FBN3: variants seen among roughly 807,000 people sequenced by gnomAD.
The protein encoded by FBN3 is fibrillin 3.
Under a neutral mutation model 330.1 loss-of-function variants are expected in FBN3, and 234 were observed. The observed-to-expected ratio is 0.71, with a 90% confidence interval of 0.64 to 0.79. The LOEUF is 0.79. FBN3 is among the 30% of genes least tolerant of loss of function. The probability of loss-of-function intolerance (pLI) is 0.00; values close to 1 mark genes in which losing one functional copy is unlikely to be tolerated. For missense variants in FBN3, 3,606 were observed against 3,886.9 expected (o/e 0.93, Z 1.92); for synonymous variants, 1,458 against 1,517.3 (o/e 0.96, Z 0.91).
intron 61 of FBN3, among the ~76,000 whole-genome samples, 171 bp from the exon 62 acceptor site, chr19:8,073,468 C>T (rs898531823): frequency 2.6e-5 from 4 of 152,210 alleles, no homozygotes; most frequent in African/African-American, 9.6e-5. Context: ...CATAGCCCCG[C>T]TGCCCCAAAC....
intron 58 of FBN3, 25 bp from the exon 59 acceptor site, chr19:8,081,144 CT>C: frequency 6.3e-7 from 1 of 1,599,244 alleles, no homozygotes; most frequent in Non-Finnish European, 8.6e-7. Flanking sequence ...GTCCAGCAGG[CT>C]CAGGGCAGGG....
At chr19:8,087,715 T>G (rs2081997485) in intron 53 of FBN3, 110 bp downstream of exon 53, 9 of 926,686 alleles carry the variant, frequency 9.7e-6, no homozygotes, top group Non-Finnish European at 1.5e-5. Flanking sequence ...CAAGCGATTC[T>G]CCTGTCTCTC....
At position 8,109,628 on chromosome 19, in the gene FBN3, C is replaced by CA. The variant is rs751975015; in HGVS notation, c.4456+2dup. ...CCTGATCTGGAGTTGAGCATGGACT[C>CA]ACCCACGCAGCCCACTCCGCTGGGG... On this transcript the variant is annotated splice_region_variant and intron_variant, in intron 35 of 63. Transcript: ENST00000600128. The surrounding 1 kb of genome is among the most constrained non-coding windows in gnomAD (Gnocchi z 5.2). The CA allele has an allele frequency of 1.3e-6, 2 of 1,593,222 alleles. No homozygotes were observed. Among genetic ancestry groups the CA allele is most frequent in the Non-Finnish European group, 1.7e-6 (2 of 1,169,350 alleles).
Position 8,089,532 on chromosome 19 carries a change from G to A in FBN3, c.6376+13C>T, listed in dbSNP as rs1220642489. On this transcript the variant is annotated intron_variant, in intron 51 of 63. Transcript: ENST00000600128. Reference sequence around the variant, plus strand: ...GGGCCTGGGACAGAGCTGGGGAAGGGCTGGCCACTCACCCACACAGTTGAT... The same window carrying A: ...GGGCCTGGGACAGAGCTGGGGAAGGACTGGCCACTCACCCACACAGTTGAT... 1.9e-6 allele frequency: 3 copies of A among 1,613,662 alleles called. No individual in the cohort carries two copies. The highest frequency in any genetic ancestry group is 1.3e-5 in the African/African-American group (1 of 74,900).
intron 45 of FBN3, 101 bp downstream of exon 45, chr19:8,095,863 C>G: frequency 1.4e-6 from 1 of 708,148 alleles, no homozygotes. Context: ...TCTAAATAAT[C>G]GGGGACTTTC....
chr19:8,108,220 C>A lies in FBN3; in HGVS notation c.4637G>T (p.Cys1546Phe). 2 of 1,613,018 alleles carry A rather than the reference C, an allele frequency of 1.2e-6. No homozygotes were observed. Among genetic ancestry groups the A allele is most frequent in the Non-Finnish European group, 1.7e-6 (2 of 1,179,564 alleles). Residue 1546 changes from cysteine (C) to phenylalanine (F), a missense_variant, in exon 37 of 64, where the codon TGC becomes TTC. Cys to Phe is a radical substitution (Grantham distance 205). Coordinates refer to ENST00000600128, the MANE Select transcript of FBN3 (RefSeq NM_032447.5). Reference protein sequence around the residue: ...MANTTEYRTLCPGGEGFQPNR... With the variant: ...MANTTEYRTLFPGGEGFQPNR... Reference sequence around the variant, plus strand: ...AGGCTGGAAGCCCTCACCACCCGGGCACAGGGTTCTGTACTCAGCTGTAAA... The same window carrying A: ...AGGCTGGAAGCCCTCACCACCCGGGAACAGGGTTCTGTACTCAGCTGTAAA...
rs753402740 is a variant in FBN3 at position 8,133,061 on chromosome 19, C to T, written c.1637G>A (p.Cys546Tyr). The change falls in exon 14 of 64, where the codon TGT (cysteine) becomes TAT (tyrosine). Residue 546 changes from cysteine (C) to tyrosine (Y), a missense_variant. By Grantham distance (194) the Cys-to-Tyr change is radical. Transcript: ENST00000600128. ...ATSTMCVNGV[C>Y]LNEDGSFSCL... ...GGAGAAGCTGCCATCCTCGTTGAGACACACGCCGTTGACGCACATGGTGCT... is the reference window on the plus strand; with the variant it reads ...GGAGAAGCTGCCATCCTCGTTGAGATACACGCCGTTGACGCACATGGTGCT... 3 of 1,587,166 alleles carry T rather than the reference C, an allele frequency of 1.9e-6. No homozygotes were observed. The South Asian group carries it at 3.4e-5, about 18-fold the overall frequency.
At chr19:8,111,884 C>G (rs952150673) in intron 31 of FBN3, 93 bp downstream of exon 31, 14 of 1,404,574 alleles carry the variant, frequency 1.0e-5, no homozygotes, top group Non-Finnish European at 1.4e-5. Context: ...CAGACACTCC[C>G]GGATCCCACC....
intron 48 of FBN3, among the ~76,000 whole-genome samples, chr19:8,090,614 G>A (rs2082076174): frequency 6.6e-6 from 1 of 151,926 alleles, no homozygotes; most frequent in East Asian, 1.9e-4. Context: ...CTCCCAAGTA[G>A]CTGGGATTAC....
At position 8,096,701 on chromosome 19, in the gene FBN3, T is replaced by A. The variant is rs2082216814; in HGVS notation, c.5414-132A>T. The A allele has an allele frequency of 7.3e-7, 1 of 1,372,682 alleles. No homozygotes were observed. The highest frequency in any genetic ancestry group is 2.1e-5 in the Admixed American group (1 of 48,134). The allele number at this position is 1,372,682 out of a possible 1,614,324, so 85.0% of individuals were successfully genotyped here. A position where few individuals can be genotyped will look rare whatever the true frequency, so the allele number is the denominator to read the frequency against. The stretch of plus-strand genomic sequence containing the variant: ...CAAACTTCCACCAGGGGCGTCAGGC[T>A]GTCTGCATGGACCTGAGCTCTCACC... On this transcript the variant is annotated intron_variant, in intron 43 of 63. Coordinates refer to ENST00000600128, the MANE Select transcript of FBN3 (RefSeq NM_032447.5). The surrounding 1 kb of genome is among the most constrained non-coding windows in gnomAD (Gnocchi z 4.6).
At position 8,097,290 on chromosome 19, in the gene FBN3, T is replaced by C. The variant is rs753593623; in HGVS notation, c.5286A>G (p.Glu1762=). ...FNYNSILLAC[E]DVDECGSRES... is the part of the protein sequence containing the mutation. ...GCTGGGAACAGGGAGAGGTGGCACC[T>C]TCACAAGCCAGCAGGATGCTGTTGT... Residue 1762 remains glutamate, a splice_region_variant and synonymous_variant, in exon 42 of 64, where the codon GAA becomes GAG. Transcript: ENST00000600128. The C allele has an allele frequency of 6.9e-6, 11 of 1,603,146 alleles. No individual in the cohort carries two copies. The highest frequency in any genetic ancestry group is 9.4e-6 in the Non-Finnish European group (11 of 1,171,886).
At chr19:8,144,521 G>A (rs1485395079) in intron 6 of FBN3, among the ~76,000 whole-genome samples, 5 of 151,860 alleles carry the variant, frequency 3.3e-5, no homozygotes, top group South Asian at 2.1e-4. Flanking sequence ...CCCTTCCATG[G>A]AGCAGATGGT....
intron 63 of FBN3, 66 bp from the exon 64 acceptor site, chr19:8,066,326 T>A: frequency 3.3e-6 from 4 of 1,212,308 alleles, no homozygotes; most frequent in Admixed American, 5.8e-5. Context: ...GGGTAGGGGG[T>A]CCTCGGATTG....
rs1312617692 is a variant in FBN3, at chr19:8,095,364, G to A, written c.5785+11C>T. On this transcript the variant is annotated intron_variant, in intron 46 of 63. Transcript: ENST00000600128. ...GGCTGAGATGCCTCCGAGCACCATAGGCAGACTCACCCACACAGTTCTTCC... is the reference window on the plus strand; with the variant it reads ...GGCTGAGATGCCTCCGAGCACCATAAGCAGACTCACCCACACAGTTCTTCC... 1.9e-6 allele frequency: 3 copies of A among 1,611,612 alleles called. No homozygotes were observed. The African/African-American group carries it at 4.0e-5, about 22-fold the overall frequency.
Position 8,121,194 on chromosome 19 carries a change from T to G in FBN3, c.3211+64A>C. On this transcript the variant is annotated intron_variant, in intron 25 of 63. Transcript: ENST00000600128. The surrounding 1 kb of genome is among the most constrained non-coding windows in gnomAD (Gnocchi z 4.5). The stretch of plus-strand genomic sequence containing the variant: ...CACACAGCAACAGCCGTCCCCACCC[T>G]CCCTCTCCTCAATGCCCTCCCTGCC... The G allele has an allele frequency of 2.3e-6, 2 of 878,330 alleles. No homozygotes were observed. Among genetic ancestry groups the G allele is most frequent in the Non-Finnish European group, 3.4e-6 (2 of 587,618 alleles). 54.4% of individuals were successfully genotyped at this position (878,330 alleles called of 1,614,324 possible).
At chr19:8,091,638 A>C in intron 47 of FBN3, 48 bp from the exon 48 acceptor site, 1 of 1,604,136 alleles carries the variant, frequency 6.2e-7, no homozygotes, top group East Asian at 2.2e-5. Context: ...TAGGACCTCC[A>C]TCAGTGGGGA....
At chr19:8,122,371 A>T (rs753776371) in intron 24 of FBN3, among the ~76,000 whole-genome samples, 14 of 151,494 alleles carry the variant, frequency 9.2e-5, no homozygotes, top group Middle Eastern at 3.4e-3. Flanking sequence ...TTATTTACTT[A>T]TTTATTTATA....
At position 8,149,508 on chromosome 19, in the gene FBN3, C is replaced by G. The variant is rs956560386; in HGVS notation, c.-77G>C. ...GGCGGACGCGCGGGACTCAGCGCTG[C>G]AGGGCGGGCTCCTGCGGCGCCGGGG... On this transcript the variant is annotated 5_prime_UTR_variant, in exon 1 of 64. Transcript: ENST00000600128. The surrounding 1 kb of genome is among the most constrained non-coding windows in gnomAD (Gnocchi z 5.5). 6.6e-6 allele frequency: 1 copy of G among 151,986 alleles called. No homozygotes were observed. The highest frequency in any genetic ancestry group is 2.4e-5 in the African/African-American group (1 of 41,424). The allele number at this position is 151,986 out of a possible 1,614,324, so 9.4% of individuals were successfully genotyped here.
rs1047728497 is a variant in FBN3 at position 8,129,922 on chromosome 19, G to C, written c.2045-557C>G. Among the ~76,000 whole-genome samples, 1 of 151,358 alleles carries C rather than the reference G, an allele frequency of 6.6e-6. No homozygotes were observed. The highest frequency in any genetic ancestry group is 6.6e-5 in the Admixed American group (1 of 15,192). ...AAGCAATTTTTTTTTTTTTGAGATA[G>C]GGTCTCACTCTGTCGCACAGGCTGG... is the stretch of plus-strand genomic sequence containing the variant. On this transcript the variant is annotated intron_variant, in intron 16 of 63. Coordinates refer to ENST00000600128, the MANE Select transcript of FBN3 (RefSeq NM_032447.5). This position sits in a 1 kb window ranked among gnomAD's most constrained non-coding sequence, Gnocchi z 4.5.
Sources: allele counts gnomAD v4.1 joint callset (sites outside exome capture counted in the v4.1 genomes callset), GRCh38; gene constraint gnomAD v4.1.1; non-coding constraint Gnocchi (gnomAD v3.1); transcripts MANE v1.5; gene names NCBI Gene and HGNC (gene_info 2026-07-23, HGNC 2026-07-21).